NOTCH2NLB: variants seen among roughly 807,000 people sequenced by gnomAD.
NOTCH2NLB encodes notch 2 N-terminal like B, also known as notch homolog 2 N-terminal-like protein B.
A neutral mutation model predicts 14.8 loss-of-function variants in NOTCH2NLB; 1 was observed. The observed-to-expected ratio is 0.07, with a 90% CI of 0.02 to 0.32. NOTCH2NLB has a LOEUF of 0.32. NOTCH2NLB is among the 10% of genes least tolerant of loss of function. The pLI, the probability that NOTCH2NLB is intolerant of heterozygous loss-of-function variation, is 1.00. For missense variants in NOTCH2NLB, 11 were observed against 155.0 expected (o/e 0.07, Z 4.93); for synonymous variants, 6 against 57.5 (o/e 0.10, Z 4.05).
chr1:148,693,110 T>G, the NOTCH2NLB span, among the ~76,000 whole-genome samples: 1 of 109,792 alleles, frequency 9.1e-6, no homozygotes, highest in Non-Finnish European at 1.8e-5. Context: ...CCACCATCCA[T>G]TCTTCCTCTC....
At chr1:148,712,380 G>A in the NOTCH2NLB span, among the ~76,000 whole-genome samples, 1 of 149,426 alleles carries the variant, frequency 6.7e-6, no homozygotes, top group South Asian at 2.2e-4. Context: ...AGAAGGAAGA[G>A]TGCAAGGAGT....
At chr1:148,605,401 C>G (rs1351556293), downstream of NOTCH2NLB, among the ~76,000 whole-genome samples, 6 of 144,252 alleles carry the variant, frequency 4.2e-5, no homozygotes, top group Admixed American at 4.1e-4. Flanking sequence ...TTCATTGAAT[C>G]TCCCCATTCC....
Position 148,658,550 on chromosome 1 carries a change from C to CTTTTT in NOTCH2NLB, c.4-18466_4-18462dup, listed in dbSNP as rs1194273075. Reference sequence around the variant, plus strand: ...TTGCAATTAGACAGGCCCAATACCACTTTTTTTTTTTTTTTTTTTTTTTTT... The same window carrying CTTTTT: ...TTGCAATTAGACAGGCCCAATACCACTTTTTTTTTTTTTTTTTTTTTTTTTTTTTT... On this transcript the variant is annotated intron_variant, in intron 1 of 4. Coordinates refer to ENST00000593495, the Ensembl canonical transcript of NOTCH2NLB. Among the ~76,000 whole-genome samples, 26 of 38,590 alleles carry CTTTTT rather than the reference C, an allele frequency of 6.7e-4. 1 individual carries two copies. Among genetic ancestry groups the CTTTTT allele is most frequent in the South Asian group, 1.3e-3 (1 of 756 alleles). The allele number at this position is 38,590 out of a possible 152,430, so 25.3% of individuals were successfully genotyped here. A position where few individuals can be genotyped will look rare whatever the true frequency, so the allele number is the denominator to read the frequency against.
intron 3 of NOTCH2NLB, among the ~76,000 whole-genome samples, chr1:148,615,014 C>T (rs1196792986): frequency 2.4e-5 from 1 of 42,006 alleles, no homozygotes; most frequent in Non-Finnish European, 5.7e-5. Flanking sequence ...AAGCCAGTGC[C>T]CTGAATGTCT....
chr1:148,694,734 G>A, the NOTCH2NLB span, among the ~76,000 whole-genome samples: 3 of 110,210 alleles, frequency 2.7e-5, no homozygotes, highest in Non-Finnish European at 5.9e-5. Flanking sequence ...CTCCCAAAGT[G>A]CTGGTATTAC....
intron 3 of NOTCH2NLB, among the ~76,000 whole-genome samples, chr1:148,614,772 C>A (rs2149602929): frequency 6.5e-4 from 1 of 1,538 alleles, no homozygotes; most frequent in South Asian, 0.012. Flanking sequence ...TAACTAGAAA[C>A]ATGAGCCTGA....
chr1:148,679,837 G>A, upstream of NOTCH2NLB: 1 of 219,546 alleles, frequency 4.6e-6, no homozygotes, highest in Non-Finnish European at 8.0e-6. Context: ...CACTGTCGCC[G>A]CGGCCTCGGC....
At chr1:148,670,542 AT>A (rs1664750825) in intron 1 of NOTCH2NLB, among the ~76,000 whole-genome samples, 25 of 54,254 alleles carry the variant, frequency 4.6e-4, no homozygotes, top group East Asian at 3.6e-3. Context: ...AAAAAAAAAT[AT>A]ATATATATAC....
At chr1:148,638,371 C>G (rs1664264645) in intron 2 of NOTCH2NLB, among the ~76,000 whole-genome samples, 1 of 149,004 alleles carries the variant, frequency 6.7e-6, no homozygotes, top group Non-Finnish European at 1.5e-5. Context: ...AGAAACACAT[C>G]AACAAATGAC....
intron 2 of NOTCH2NLB, among the ~76,000 whole-genome samples, chr1:148,638,091 C>T (rs1664255438): frequency 6.7e-6 from 1 of 148,846 alleles, no homozygotes; most frequent in East Asian, 1.9e-4. Context: ...GATTTATAAT[C>T]CTTTGGGTAT....
At chr1:148,712,463 G>C in the NOTCH2NLB span, among the ~76,000 whole-genome samples, 3 of 152,294 alleles carry the variant, frequency 2.0e-5, no homozygotes, top group Non-Finnish European at 4.4e-5. Flanking sequence ...GGGAATATGT[G>C]ATGAAACGTC....
chr1:148,613,200 G>A (rs1209291566), intron 3 of NOTCH2NLB, among the ~76,000 whole-genome samples: 27 of 148,994 alleles, frequency 1.8e-4, no homozygotes, highest in African/African-American at 6.5e-4. Flanking sequence ...GGACTAGTGT[G>A]TTTCCGGATG....
At chr1:148,627,882 T>C (rs1179166941) in intron 2 of NOTCH2NLB, among the ~76,000 whole-genome samples, 1 of 136,852 alleles carries the variant, frequency 7.3e-6, no homozygotes, top group Non-Finnish European at 1.6e-5. Context: ...AAGGTCAAAA[T>C]GAAGGGCTCT....
intron 1 of NOTCH2NLB, among the ~76,000 whole-genome samples, chr1:148,645,745 T>C (rs1453017035): frequency 1.3e-5 from 2 of 150,702 alleles, no homozygotes; most frequent in Non-Finnish European, 3.0e-5. Context: ...TGGAGGGTTC[T>C]GGTCCTCACA....
chr1:148,638,170 T>G (rs1242361901), intron 2 of NOTCH2NLB, among the ~76,000 whole-genome samples: 1 of 148,438 alleles, frequency 6.7e-6, no homozygotes, highest in Non-Finnish European at 1.5e-5. Context: ...ATCGCCACAC[T>G]GAAATTTTTA....
At chr1:148,625,744 GA>G (rs1663970838) in intron 2 of NOTCH2NLB, among the ~76,000 whole-genome samples, 1 of 102,794 alleles carries the variant, frequency 9.7e-6, no homozygotes, top group South Asian at 3.9e-4. Context: ...AAGGGCAGGG[GA>G]AAAAACTAAC....
chr1:148,627,757 T>C (rs1361369875), intron 2 of NOTCH2NLB, among the ~76,000 whole-genome samples: 1 of 149,540 alleles, frequency 6.7e-6, no homozygotes, highest in Non-Finnish European at 1.5e-5. Context: ...GTGTTACTCA[T>C]TAGCCCTTAT....
downstream of NOTCH2NLB, among the ~76,000 whole-genome samples, chr1:148,605,427 T>C (rs1302952089): frequency 7.0e-6 from 1 of 143,792 alleles, no homozygotes; most frequent in African/African-American, 2.7e-5. Flanking sequence ...CTCATGCTAA[T>C]CTCCCCTCCC....
chr1:148,637,089 GAC>G (rs1664219204), intron 2 of NOTCH2NLB, among the ~76,000 whole-genome samples: 1 of 120,758 alleles, frequency 8.3e-6, no homozygotes, highest in Non-Finnish European at 1.7e-5. Flanking sequence ...TTTTTTTGGA[GAC>G]ACAGTCTCGC....
Sources: gnomAD v4.1 joint callset for allele counts (sites outside exome capture counted in the v4.1 genomes callset) on GRCh38, gnomAD v4.1.1 for gene constraint, MANE v1.5 for transcripts, NCBI Gene and HGNC (gene_info 2026-07-23, HGNC 2026-07-21) for gene names.